VPS13D: variants seen among roughly 807,000 people sequenced by gnomAD.
VPS13D encodes the protein vacuolar protein sorting 13 homolog D.
In VPS13D, 187 loss-of-function variants were observed where a neutral mutation model predicts 461.9. That is an observed-to-expected ratio of 0.40 (90% CI 0.36 to 0.46). The LOEUF (loss-of-function observed/expected upper bound fraction) is 0.46. Ranked by LOEUF, VPS13D falls within the 20% of genes least tolerant of loss-of-function variation. VPS13D has a pLI of 0.60. For synonymous variants in VPS13D, 1,951 were observed against 1,986.3 expected (o/e 0.98, Z 0.47); for missense variants, 4,711 against 5,364.9 (o/e 0.88, Z 3.81).
intron 2 of VPS13D, among the ~76,000 whole-genome samples, chr1:12,237,459 C>G (rs1467223254): frequency 1.3e-5 from 2 of 151,720 alleles, no homozygotes; most frequent in Non-Finnish European, 2.9e-5. Context: ...CTCCACTGCA[C>G]TCTGGCCTGG....
chr1:12,424,504 A>G (rs774245894), intron 65 of VPS13D, among the ~76,000 whole-genome samples: 1 of 152,184 alleles, frequency 6.6e-6, no homozygotes, highest in African/African-American at 2.4e-5. Context: ...GAGAACTGCA[A>G]GTGACCAAAA....
At position 12,417,186 on chromosome 1, in the gene VPS13D, T is replaced by G. The variant is rs61774934; in HGVS notation, c.12333+359T>G. Among the ~76,000 whole-genome samples the G allele has an allele frequency of 1.9e-3, 292 of 152,298 alleles. 1 individual carries two copies. The highest frequency in any genetic ancestry group is 3.5e-3 in the Non-Finnish European group (236 of 68,028). On this transcript the variant is annotated intron_variant, in intron 65 of 69. Transcript: ENST00000620676. ...GATTGTGCCATTCTCCTGCCTGAGA[T>G]CTACCAGTTATTGCCCACAGTTTAC...
intron 26 of VPS13D, 89 bp from the exon 27 acceptor site, chr1:12,308,342 G>A (rs1049775217): frequency 1.4e-6 from 2 of 1,382,930 alleles, no homozygotes; most frequent in East Asian, 4.6e-5. Flanking sequence ...TTCAAAGACA[G>A]AATGAGCTTT....
chr1:12,265,040 A>G (rs941994349), intron 13 of VPS13D, among the ~76,000 whole-genome samples: 4 of 152,274 alleles, frequency 2.6e-5, no homozygotes, highest in Admixed American at 2.6e-4. Context: ...CAATGGAGCA[A>G]CAAAGCTTGG....
At chr1:12,286,470 C>T (rs891623502) in intron 21 of VPS13D, among the ~76,000 whole-genome samples, 11 of 152,248 alleles carry the variant, frequency 7.2e-5, no homozygotes, top group Non-Finnish European at 1.3e-4. Flanking sequence ...TATAGTGTAT[C>T]TGCCCCCCTC....
At position 12,275,829 on chromosome 1, in the gene VPS13D, C is replaced by T. The variant is rs1239217715; in HGVS notation, c.2241C>T (p.Asn747=). The T allele has an allele frequency of 6.3e-7, 1 of 1,578,292 alleles. No homozygotes were observed. The highest frequency in any genetic ancestry group is 8.6e-7 in the Non-Finnish European group (1 of 1,164,316). ...GRMLLTNTQD[N]SRRKSRDGSA... Reference sequence around the variant, plus strand: ...TCTTCTTTTTTTTATCTTCAGATAACTCCAGGAGGAAAAGTAGGGATGGGT... The same window carrying T: ...TCTTCTTTTTTTTATCTTCAGATAATTCCAGGAGGAAAAGTAGGGATGGGT... The change falls in exon 19 of 70, where the codon AAC becomes AAT. Residue 747 remains asparagine, a synonymous_variant. Transcript: ENST00000620676.
Position 12,276,401 on chromosome 1 carries a change from T to C in VPS13D, c.2813T>C (p.Ile938Thr). 6.2e-7 allele frequency: 1 copy of C among 1,614,066 alleles called. No homozygotes were observed. The highest frequency in any genetic ancestry group is 8.5e-7 in the Non-Finnish European group (1 of 1,179,984). ...QDSVMNLTQS[I>T]VLLEQHTREV... ...TCCGTAATGAATTTAACCCAGAGCA[T>C]TGTGTTGTTGGAGCAGCATACCCGC... is the stretch of plus-strand genomic sequence containing the variant. Residue 938 changes from isoleucine to threonine, a missense_variant, in exon 19 of 70, where the codon ATT (isoleucine) becomes ACT (threonine). This residue lies in a region of VPS13D where 4,411 missense variants were observed against 4,937.8 expected (regional missense o/e 0.89). Coordinates refer to ENST00000620676, the MANE Select transcript of VPS13D (RefSeq NM_015378.4). This position sits in a 1 kb window ranked among gnomAD's most constrained non-coding sequence, Gnocchi z 4.5.
At chr1:12,361,979 C>T (rs935635470) in intron 50 of VPS13D, among the ~76,000 whole-genome samples, 3 of 152,210 alleles carry the variant, frequency 2.0e-5, no homozygotes, top group Non-Finnish European at 4.4e-5. Context: ...TTTCTTGCCT[C>T]AGCCTCCCGA....
chr1:12,313,860 T>G (rs578063229), intron 29 of VPS13D, among the ~76,000 whole-genome samples: 1 of 152,314 alleles, frequency 6.6e-6, no homozygotes, highest in South Asian at 2.1e-4. Flanking sequence ...CATGTGGTAT[T>G]GTTACTTCTC....
intron 6 of VPS13D, 30 bp from the exon 7 acceptor site, chr1:12,253,692 C>T: frequency 6.7e-7 from 1 of 1,503,304 alleles, no homozygotes; most frequent in Non-Finnish European, 9.3e-7. Flanking sequence ...GACAGTCATC[C>T]TATTTTCTTC....
At chr1:12,449,131 C>T (rs1465526514) in intron 65 of VPS13D, among the ~76,000 whole-genome samples, 1 of 150,000 alleles carries the variant, frequency 6.7e-6, no homozygotes, top group Non-Finnish European at 1.5e-5. Context: ...TCTCCAGAGA[C>T]CAGGAAAAAA....
chr1:12,276,920 A>T lies in VPS13D; in HGVS notation c.3332A>T (p.Asp1111Val). 6.2e-7 allele frequency: 1 copy of T among 1,614,182 alleles called. No individual in the cohort carries two copies. Among genetic ancestry groups the T allele is most frequent in the Non-Finnish European group, 8.5e-7 (1 of 1,180,024 alleles). Reference protein sequence around the residue: ...QVISLQVNNLDIILNPETIVE... With the variant: ...QVISLQVNNLVIILNPETIVE... The stretch of plus-strand genomic sequence containing the variant: ...ATTTCCCTACAGGTGAATAATTTAG[A>T]TATTATCCTCAATCCAGAGACGATT... Residue 1111 changes from aspartate to valine, a missense_variant, in exon 19 of 70, where the codon GAT (aspartate) becomes GTT (valine). Asp to Val is a radical substitution (Grantham distance 152, BLOSUM62 -3). Transcript: ENST00000620676. The surrounding 1 kb of genome is among the most constrained non-coding windows in gnomAD (Gnocchi z 4.5).
intron 26 of VPS13D, 150 bp from the exon 27 acceptor site, chr1:12,308,281 C>T: frequency 1.2e-6 from 1 of 809,232 alleles, no homozygotes. Flanking sequence ...TCCTGGACAG[C>T]CAGTTTTCTG....
chr1:12,343,668 C>T (rs1415743585), intron 42 of VPS13D, among the ~76,000 whole-genome samples: 2 of 152,230 alleles, frequency 1.3e-5, no homozygotes, highest in African/African-American at 2.4e-5. Context: ...AGCCACTGCA[C>T]CCAGCCTCCT....
At chr1:12,313,007 C>T (rs1276752027) in intron 29 of VPS13D, among the ~76,000 whole-genome samples, 3 of 152,162 alleles carry the variant, frequency 2.0e-5, no homozygotes, top group African/African-American at 7.2e-5. Context: ...GCATTTCACA[C>T]TTAATAACCT....
At chr1:12,304,452 A>G in intron 25 of VPS13D, 54 bp from the exon 26 acceptor site, 3 of 1,502,700 alleles carry the variant, frequency 2.0e-6, no homozygotes, top group Non-Finnish European at 2.7e-6. Context: ...TCCCACCACC[A>G]GTGCTGCCCC....
At chr1:12,352,370 A>G (rs1156839752) in intron 46 of VPS13D, among the ~76,000 whole-genome samples, 1 of 152,214 alleles carries the variant, frequency 6.6e-6, no homozygotes, top group Non-Finnish European at 1.5e-5. Context: ...CATGGAGTAC[A>G]TGAAGAACTT....
intron 65 of VPS13D, among the ~76,000 whole-genome samples, chr1:12,447,201 CTG>C (rs1388290434): frequency 4.6e-5 from 7 of 152,156 alleles, no homozygotes; most frequent in Admixed American, 3.3e-4. Flanking sequence ...CCTGATATCT[CTG>C]TATAATTTTC....
chr1:12,328,455 G>C (rs1643248734), intron 36 of VPS13D, among the ~76,000 whole-genome samples: 1 of 150,844 alleles, frequency 6.6e-6, no homozygotes, highest in South Asian at 2.1e-4. Flanking sequence ...CCTGCTTCCC[G>C]AGTGGCTAGG....
Sources: gnomAD v4.1 joint callset for allele counts (sites outside exome capture counted in the v4.1 genomes callset) on GRCh38, gnomAD v4.1.1 for gene constraint, gnomAD v4.1.1 regional missense constraint, Gnocchi (gnomAD v3.1) non-coding constraint, MANE v1.5 for transcripts, NCBI Gene and HGNC (gene_info 2026-07-23, HGNC 2026-07-21) for gene names.